Variants in GNA14 observed in about 807,000 individuals in gnomAD.
GNA14 encodes G protein subunit alpha 14, also known as guanine nucleotide-binding protein subunit alpha-14.
GNA14 carries 50 observed loss-of-function variants against 42.0 expected under a neutral mutation model. The ratio of observed to expected loss-of-function variants is 1.19; its 90% confidence interval spans 0.95 to 1.51. The LOEUF is 1.51. Among genes scored for constraint, GNA14 ranks in the 40% most tolerant of loss-of-function variants. The pLI is 0.00. For synonymous variants in GNA14, 173 were observed against 163.1 expected, an observed-to-expected ratio of 1.06 and a Z score of -0.46; for missense variants, 473 against 446.2, an observed-to-expected ratio of 1.06 and a Z score of -0.54.
At chr9:77,469,978 G>A (rs1311093034) in intron 2 of GNA14, among the ~76,000 whole-genome samples, 3 of 152,344 alleles carry the variant, frequency 2.0e-5, no homozygotes, top group East Asian at 1.9e-4. Flanking sequence ...TTGGAAGGCC[G>A]TATGAGTGAT....
At chr9:77,535,903 TTTTC>T (rs1837591341) in intron 1 of GNA14, among the ~76,000 whole-genome samples, 1 of 151,558 alleles carries the variant, frequency 6.6e-6, no homozygotes. Flanking sequence ...TTTTTTTTTT[TTTTC>T]CAAGCAAGTT....
At chr9:77,569,759 T>C (rs181734689) in intron 1 of GNA14, among the ~76,000 whole-genome samples, 4 of 151,478 alleles carry the variant, frequency 2.6e-5, no homozygotes, top group Admixed American at 2.6e-4. Flanking sequence ...TGTTTTTCTT[T>C]TCCTTTCTTT....
intron 2 of GNA14, among the ~76,000 whole-genome samples, chr9:77,471,534 A>C (rs537293650): frequency 6.6e-6 from 1 of 152,312 alleles, no homozygotes; most frequent in Non-Finnish European, 1.5e-5. Flanking sequence ...ACTGATAAGA[A>C]AGATAACAGC....
intron 2 of GNA14, among the ~76,000 whole-genome samples, chr9:77,458,911 G>GGGGT (rs1199049826): frequency 3.1e-4 from 46 of 149,808 alleles, no homozygotes; most frequent in Admixed American, 1.7e-3. Context: ...TGGAGGGGGG[G>GGGGT]GGGTTGTCCT....
chr9:77,631,386 A>G (rs1459140953), intron 1 of GNA14, among the ~76,000 whole-genome samples: 1 of 151,644 alleles, frequency 6.6e-6, no homozygotes, highest in Non-Finnish European at 1.5e-5. Flanking sequence ...CCATGTGCCC[A>G]GATAAAACAT....
chr9:77,452,504 G>C (rs1024217927), intron 2 of GNA14, among the ~76,000 whole-genome samples: 1 of 150,600 alleles, frequency 6.6e-6, no homozygotes, highest in Non-Finnish European at 1.5e-5. Context: ...GACAAAGTCT[G>C]AAAAAGTTAC....
rs146779606 is a variant in GNA14, at chr9:77,568,402, G to A, written c.125-39149C>T. ...AGCTACTCGGGAGGCTGAGGTAGGA[G>A]AATCATTTGAACCCAGGAGGTGGAG... On this transcript the variant is annotated intron_variant, in intron 1 of 6. Transcript: ENST00000341700. Among the ~76,000 whole-genome samples, 8 of 151,488 alleles carry A rather than the reference G, an allele frequency of 5.3e-5. No individual in the cohort carries two copies. The East Asian group carries it at 1.6e-3, about 30-fold the overall frequency.
chr9:77,439,799 G>T (rs1357375605), intron 2 of GNA14, among the ~76,000 whole-genome samples: 1 of 152,190 alleles, frequency 6.6e-6, no homozygotes, highest in Non-Finnish European at 1.5e-5. Context: ...CTCATGCGCT[G>T]TGGGGAAAGC....
intron 2 of GNA14, among the ~76,000 whole-genome samples, chr9:77,445,749 T>C (rs1410581330): frequency 6.6e-6 from 1 of 151,766 alleles, no homozygotes; most frequent in Non-Finnish European, 1.5e-5. Flanking sequence ...TTAAAAAATA[T>C]ATATTTGTTT....
At chr9:77,625,291 C>T (rs1050383309) in intron 1 of GNA14, among the ~76,000 whole-genome samples, 5 of 152,012 alleles carry the variant, frequency 3.3e-5, no homozygotes, top group African/African-American at 4.8e-5. Flanking sequence ...CTAAAAGTGA[C>T]GGGGAGAATG....
chr9:77,526,593 G>A (rs768425331), intron 2 of GNA14: 2 of 152,446 alleles, frequency 1.3e-5, no homozygotes, highest in African/African-American at 2.4e-5. Context: ...GCAGAGGCTG[G>A]AGGCAAGCAT....
chr9:77,506,690 T>G (rs1837077063), intron 2 of GNA14, among the ~76,000 whole-genome samples: 1 of 152,070 alleles, frequency 6.6e-6, no homozygotes, highest in Non-Finnish European at 1.5e-5. Flanking sequence ...AAAAAAAATT[T>G]CATGAGATAT....
intron 1 of GNA14, among the ~76,000 whole-genome samples, chr9:77,558,246 C>T (rs1320140673): frequency 2.0e-5 from 3 of 152,044 alleles, no homozygotes; most frequent in Non-Finnish European, 4.4e-5. Flanking sequence ...ATGAAATCTG[C>T]ACTTTCACAT....
intron 1 of GNA14, among the ~76,000 whole-genome samples, chr9:77,599,639 C>T (rs1280436350): frequency 7.2e-5 from 11 of 152,128 alleles, no homozygotes; most frequent in African/African-American, 2.2e-4. Context: ...ATGCCAGCCC[C>T]GGGGAGCCTG....
chr9:77,474,552 C>A (rs1836386097), intron 2 of GNA14, among the ~76,000 whole-genome samples: 2 of 152,296 alleles, frequency 1.3e-5, no homozygotes, highest in Admixed American at 6.5e-5. Context: ...ATGGGTGAGA[C>A]TATAAAATCA....
chr9:77,608,180 G>A (rs953689314), intron 1 of GNA14, among the ~76,000 whole-genome samples: 8 of 152,142 alleles, frequency 5.3e-5, no homozygotes, highest in Non-Finnish European at 8.8e-5. Context: ...GCATCTAATC[G>A]AATTTTCCTT....
intron 2 of GNA14, among the ~76,000 whole-genome samples, chr9:77,520,446 C>T (rs549616409): frequency 1.1e-4 from 16 of 152,290 alleles, no homozygotes; most frequent in Non-Finnish European, 2.2e-4. Context: ...TCGGATCTAA[C>T]GAGCATGTTC....
chr9:77,616,476 G>C (rs992118626), intron 1 of GNA14, among the ~76,000 whole-genome samples: 1 of 152,214 alleles, frequency 6.6e-6, no homozygotes, highest in African/African-American at 2.4e-5. Context: ...AGTACCACCA[G>C]AAGCAAGGCT....
chr9:77,543,039 C>A (rs1305996483), intron 1 of GNA14, among the ~76,000 whole-genome samples: 1 of 151,992 alleles, frequency 6.6e-6, no homozygotes, highest in Non-Finnish European at 1.5e-5. Context: ...GCTTAGGGAA[C>A]TGTGAAACTC....
Sources: gnomAD v4.1 joint callset for allele counts (sites outside exome capture counted in the v4.1 genomes callset) on GRCh38, gnomAD v4.1.1 for gene constraint, MANE v1.5 for transcripts, NCBI Gene and HGNC (gene_info 2026-07-23, HGNC 2026-07-21) for gene names.